Variants in SHOC1 observed in about 807,000 individuals in gnomAD.
The protein encoded by SHOC1 is protein shortage in chiasmata 1 ortholog.
Under a neutral mutation model 179.2 loss-of-function variants are expected in SHOC1, and 136 were observed. The ratio of observed to expected loss-of-function variants is 0.76; its 90% confidence interval spans 0.66 to 0.87. The LOEUF is 0.87. SHOC1 is among the 40% of genes least tolerant of loss of function. The pLI, the probability that SHOC1 is intolerant of heterozygous loss-of-function variation, is 0.00. For synonymous variants in SHOC1, 489 were observed against 586.6 expected (o/e 0.83, Z 2.41); for missense variants, 1,538 against 1,700.8 (o/e 0.90, Z 1.68).
intron 4 of SHOC1, among the ~76,000 whole-genome samples, chr9:111,779,299 G>A (rs76809648): frequency 0.19 from 28,641 of 152,086 alleles, 2,890 homozygotes; most frequent in Non-Finnish European, 0.22. Flanking sequence ...CAGTTAGTCC[G>A]TTTTGGAGCC....
At chr9:111,773,280 A>T (rs898021863) in intron 5 of SHOC1, among the ~76,000 whole-genome samples, 1 of 152,082 alleles carries the variant, frequency 6.6e-6, no homozygotes, top group African/African-American at 2.4e-5. Context: ...TCTAAACTAT[A>T]TGCATATGCA....
At chr9:111,761,470 C>T (rs748815423) in intron 5 of SHOC1, among the ~76,000 whole-genome samples, 6 of 152,060 alleles carry the variant, frequency 3.9e-5, no homozygotes, top group Non-Finnish European at 8.8e-5. Context: ...CCACTGCACT[C>T]CAGCCTGGGC....
At chr9:111,792,131 A>G (rs981485279) in intron 1 of SHOC1, among the ~76,000 whole-genome samples, 1 of 152,210 alleles carries the variant, frequency 6.6e-6, no homozygotes. Context: ...TAAATCAGCA[A>G]ATCCATCTAA....
chr9:111,768,511 G>A (rs986812380), intron 5 of SHOC1, among the ~76,000 whole-genome samples: 5 of 152,266 alleles, frequency 3.3e-5, no homozygotes, highest in South Asian at 2.1e-4. Flanking sequence ...GAGCCACCGC[G>A]CCCAGCCATT....
chr9:111,788,480 T>G lies in SHOC1; in HGVS notation c.46-2445A>C, dbSNP rs977550953. On this transcript the variant is annotated intron_variant, in intron 2 of 27. Coordinates refer to ENST00000682961, the MANE Select transcript of SHOC1 (RefSeq NM_001378211.1). ...TGACTGACTTTATTGTGATATTTGC[T>G]GTTGCTGAGGTATGCCTGTATCAGA... is the stretch of plus-strand genomic sequence containing the variant. 4.6e-5 allele frequency among the ~76,000 whole-genome samples: 7 copies of G among 152,232 alleles called. No individual in the cohort carries two copies. In the South Asian group the frequency reaches 1.4e-3, roughly 32 times the overall value.
chr9:111,759,537 A>AG, intron 5 of SHOC1: 1 of 1,166,278 alleles, frequency 8.6e-7, no homozygotes. Flanking sequence ...GCTGTCTAAC[A>AG]GCTTTAACAG....
At chr9:111,756,597 C>T (rs1349667605) in intron 7 of SHOC1, 119 bp from the exon 8 acceptor site, 1 of 806,544 alleles carries the variant, frequency 1.2e-6, no homozygotes, top group Non-Finnish European at 2.0e-6. Flanking sequence ...AATCCACATT[C>T]AAAATTGTTA....
intron 5 of SHOC1, among the ~76,000 whole-genome samples, chr9:111,765,032 C>T (rs10759510): frequency 0.8 from 121,982 of 151,742 alleles, 49,181 homozygotes; most frequent in East Asian, 0.92. Context: ...TCCTAGCTAC[C>T]TGGGAGGCTG....
intron 20 of SHOC1, 146 bp from the exon 21 acceptor site, chr9:111,705,510 G>C (rs1426061657): frequency 4.3e-5 from 18 of 421,258 alleles, no homozygotes; most frequent in Non-Finnish European, 6.8e-5. Flanking sequence ...ATAAAGACAG[G>C]CTTGAAGAAG....
chr9:111,696,494 A>G (rs1239850941), intron 24 of SHOC1, among the ~76,000 whole-genome samples: 1 of 152,232 alleles, frequency 6.6e-6, no homozygotes, highest in African/African-American at 2.4e-5. Flanking sequence ...CAAATTGACC[A>G]TAGTTGCCTC....
chr9:111,789,212 G>A (rs1240687820), intron 2 of SHOC1, among the ~76,000 whole-genome samples: 2 of 152,210 alleles, frequency 1.3e-5, no homozygotes, highest in East Asian at 3.9e-4. Flanking sequence ...CCAAGGATAA[G>A]TGGTAAAGAG....
chr9:111,776,953 A>C (rs1835857728), intron 4 of SHOC1, among the ~76,000 whole-genome samples: 1 of 152,156 alleles, frequency 6.6e-6, no homozygotes, highest in South Asian at 2.1e-4. Flanking sequence ...ATTATTACTC[A>C]AATCAGTCTC....
intron 5 of SHOC1, among the ~76,000 whole-genome samples, chr9:111,765,154 A>AG (rs1453387218): frequency 4.7e-5 from 7 of 150,352 alleles, no homozygotes; most frequent in Non-Finnish European, 8.9e-5. Context: ...AAAAAAAAAA[A>AG]GTGTTATACA....
chr9:111,745,380 G>C (rs1834231075), intron 10 of SHOC1, among the ~76,000 whole-genome samples: 1 of 152,176 alleles, frequency 6.6e-6, no homozygotes, highest in South Asian at 2.1e-4. Context: ...AGGCAATCTG[G>C]CTCTAGTTCA....
chr9:111,770,438 A>G (rs1292719253), intron 5 of SHOC1, among the ~76,000 whole-genome samples: 1 of 152,162 alleles, frequency 6.6e-6, no homozygotes, highest in Non-Finnish European at 1.5e-5. Flanking sequence ...GTGGCCTAAG[A>G]TATGGTCTAT....
chr9:111,754,749 A>G (rs781181156), intron 8 of SHOC1, among the ~76,000 whole-genome samples: 1 of 152,254 alleles, frequency 6.6e-6, no homozygotes, highest in Non-Finnish European at 1.5e-5. Context: ...CTATAGCCAT[A>G]CAATGGAATA....
intron 7 of SHOC1, among the ~76,000 whole-genome samples, chr9:111,757,689 A>C (rs1412258775): frequency 6.6e-6 from 1 of 152,234 alleles, no homozygotes; most frequent in Non-Finnish European, 1.5e-5. Flanking sequence ...TAGCTCAAGT[A>C]CTATTTTTTG....
chr9:111,784,610 T>C (rs898454838), intron 3 of SHOC1, among the ~76,000 whole-genome samples: 17 of 152,200 alleles, frequency 1.1e-4, no homozygotes, highest in South Asian at 2.1e-4. Flanking sequence ...TTTCTTAAAA[T>C]TGTCCAGTGA....
At chr9:111,718,085 C>T (rs1442308026) in intron 16 of SHOC1, 99 bp downstream of exon 16, 3 of 748,034 alleles carry the variant, frequency 4.0e-6, no homozygotes, top group Non-Finnish European at 6.5e-6. Flanking sequence ...AAGAAGGCTA[C>T]ATCATTTCTT....
Sources: gnomAD v4.1 joint callset for allele counts (sites outside exome capture counted in the v4.1 genomes callset) on GRCh38, gnomAD v4.1.1 for gene constraint, MANE v1.5 for transcripts, NCBI Gene and HGNC (gene_info 2026-07-23, HGNC 2026-07-21) for gene names.